CCSER1: variants seen among roughly 807,000 people sequenced by gnomAD.
The protein encoded by CCSER1 is serine-rich coiled-coil domain-containing protein 1.
A neutral mutation model predicts 82.0 loss-of-function variants in CCSER1; 41 were observed. The observed-to-expected ratio is 0.50, with a 90% CI of 0.39 to 0.65. CCSER1 has a LOEUF of 0.65. Ranked by LOEUF, CCSER1 falls within the 30% of genes least tolerant of loss-of-function variation. CCSER1 has a pLI of 0.00. For synonymous variants in CCSER1, 414 were observed against 383.9 expected, an observed-to-expected ratio of 1.08 and a Z score of -0.92; for missense variants, 1,119 against 1,064.2, an observed-to-expected ratio of 1.05 and a Z score of -0.72.
intron 7 of CCSER1, among the ~76,000 whole-genome samples, chr4:90,754,292 A>G (rs1338044534): frequency 6.6e-6 from 1 of 152,210 alleles, no homozygotes; most frequent in Non-Finnish European, 1.5e-5. Context: ...AAATTATTTC[A>G]TGTTGTATTT....
At chr4:91,442,991 G>A (rs956730487) in intron 10 of CCSER1, among the ~76,000 whole-genome samples, 5 of 152,134 alleles carry the variant, frequency 3.3e-5, no homozygotes, top group African/African-American at 4.8e-5. Flanking sequence ...TGGAGAGGAT[G>A]TGGAGAAACA....
chr4:90,455,133 G>T (rs1173145040), intron 4 of CCSER1, among the ~76,000 whole-genome samples: 3 of 152,202 alleles, frequency 2.0e-5, no homozygotes, highest in Non-Finnish European at 4.4e-5. Context: ...GAACTTCCCT[G>T]CAAGGCAAAG....
At chr4:90,647,970 G>A (rs1727894693) in intron 6 of CCSER1, among the ~76,000 whole-genome samples, 1 of 152,036 alleles carries the variant, frequency 6.6e-6, no homozygotes, top group Admixed American at 6.6e-5. Context: ...ATAGGCAGAG[G>A]AAAACATGTT....
At chr4:90,872,756 CT>C (rs1766703916) in intron 8 of CCSER1, among the ~76,000 whole-genome samples, 1 of 151,938 alleles carries the variant, frequency 6.6e-6, no homozygotes, top group Non-Finnish European at 1.5e-5. Flanking sequence ...ACATCCTTTA[CT>C]TTCAGATTGA....
chr4:91,166,361 TA>T (rs1021119496), intron 10 of CCSER1, among the ~76,000 whole-genome samples: 4 of 151,948 alleles, frequency 2.6e-5, no homozygotes, highest in African/African-American at 7.2e-5. Context: ...TACTGGTGAT[TA>T]AAAAAAAGTG....
intron 10 of CCSER1, among the ~76,000 whole-genome samples, chr4:91,229,485 C>G (rs1738453661): frequency 6.6e-6 from 1 of 151,952 alleles, no homozygotes; most frequent in African/African-American, 2.4e-5. Flanking sequence ...TTAATTCTTG[C>G]AAAGTTTAAA....
chr4:90,413,915 C>G (rs1455157431), intron 4 of CCSER1, among the ~76,000 whole-genome samples: 2 of 127,248 alleles, frequency 1.6e-5, no homozygotes, highest in East Asian at 4.6e-4. Context: ...CGCCACTGCA[C>G]CCCAGCCTGG....
chr4:90,672,420 C>T (rs925767173), intron 6 of CCSER1, among the ~76,000 whole-genome samples: 2 of 151,936 alleles, frequency 1.3e-5, no homozygotes, highest in African/African-American at 4.8e-5. Flanking sequence ...GCAGTTTCCT[C>T]ACTTCTTTTA....
intron 1 of CCSER1, among the ~76,000 whole-genome samples, chr4:90,234,862 A>T (rs965654805): frequency 3.9e-5 from 6 of 152,202 alleles, no homozygotes; most frequent in Non-Finnish European, 7.3e-5. Context: ...GTTTTAACCC[A>T]GTTATGGCTG....
At chr4:90,702,382 T>C (rs1312124903) in intron 6 of CCSER1, among the ~76,000 whole-genome samples, 9 of 152,218 alleles carry the variant, frequency 5.9e-5, no homozygotes, top group African/African-American at 1.9e-4. Flanking sequence ...GCCAGTATTT[T>C]ATTGAGGATT....
chr4:90,230,168 AT>A (rs1359959091), intron 1 of CCSER1, among the ~76,000 whole-genome samples: 2 of 152,060 alleles, frequency 1.3e-5, no homozygotes, highest in Non-Finnish European at 2.9e-5. Flanking sequence ...CAGAATATAC[AT>A]TTTTTTCAGC....
chr4:90,299,972 G>GT (rs1054430210), intron 1 of CCSER1, among the ~76,000 whole-genome samples: 1 of 150,812 alleles, frequency 6.6e-6, no homozygotes, highest in East Asian at 1.9e-4. Context: ...AATATCTGTT[G>GT]TTTTTTTGGG....
intron 9 of CCSER1, among the ~76,000 whole-genome samples, chr4:91,009,833 T>C (rs1738856314): frequency 6.6e-6 from 1 of 152,186 alleles, no homozygotes; most frequent in Admixed American, 6.5e-5. Context: ...AATTTACATC[T>C]TTTTATATTA....
chr4:90,353,434 T>A (rs551806843), intron 3 of CCSER1, among the ~76,000 whole-genome samples: 19 of 152,312 alleles, frequency 1.2e-4, no homozygotes, highest in African/African-American at 4.3e-4. Context: ...GGACAAGATG[T>A]CATGGACCTG....
intron 10 of CCSER1, among the ~76,000 whole-genome samples, chr4:91,388,012 C>A (rs1042113911): frequency 6.6e-6 from 1 of 151,964 alleles, no homozygotes; most frequent in Non-Finnish European, 1.5e-5. Flanking sequence ...ACAATTAGTT[C>A]ACCCTATCAA....
chr4:90,194,598 C>G (rs1303297613), intron 1 of CCSER1, among the ~76,000 whole-genome samples: 1 of 151,774 alleles, frequency 6.6e-6, no homozygotes, highest in Admixed American at 6.6e-5. Flanking sequence ...CAAATTTGGC[C>G]ATGTAAATAT....
At chr4:90,613,275 T>C (rs891218637) in intron 5 of CCSER1, among the ~76,000 whole-genome samples, 3 of 152,146 alleles carry the variant, frequency 2.0e-5, no homozygotes, top group Non-Finnish European at 4.4e-5. Flanking sequence ...GATGGGAATC[T>C]TAGAGAACTG....
At chr4:91,202,161 T>C (rs1030093969) in intron 10 of CCSER1, among the ~76,000 whole-genome samples, 49 of 149,898 alleles carry the variant, frequency 3.3e-4, no homozygotes, top group African/African-American at 1.2e-3. Context: ...GTTCTGACAG[T>C]GATCTAAAAT....
chr4:90,620,422 T>A (rs1289526725), intron 5 of CCSER1, among the ~76,000 whole-genome samples: 1 of 152,184 alleles, frequency 6.6e-6, no homozygotes, highest in African/African-American at 2.4e-5. Flanking sequence ...TTATTCTTTT[T>A]CTATACTAAA....
Sources: gnomAD v4.1 joint callset for allele counts (sites outside exome capture counted in the v4.1 genomes callset) on GRCh38, gnomAD v4.1.1 for gene constraint, MANE v1.5 for transcripts, NCBI Gene and HGNC (gene_info 2026-07-23, HGNC 2026-07-21) for gene names.